Variants in TUSC3 observed in about 807,000 individuals in gnomAD.
TUSC3 encodes tumor suppressor candidate 3.
A neutral mutation model predicts 44.8 loss-of-function variants in TUSC3; 45 were observed. The ratio of observed to expected loss-of-function variants is 1.00; its 90% CI spans 0.79 to 1.29. The LOEUF is 1.29. Among genes scored for constraint, TUSC3 ranks in the 50% most tolerant of loss-of-function variants. The pLI, the probability that TUSC3 is intolerant of heterozygous loss-of-function variation, is 0.00. For synonymous variants in TUSC3, 212 were observed against 152.9 expected, an observed-to-expected ratio of 1.39 and a Z score of -2.85; for missense variants, 519 against 437.9, an observed-to-expected ratio of 1.19 and a Z score of -1.65.
chr8:15,518,033 C>G (rs1302959717), intron 2 of TUSC3, among the ~76,000 whole-genome samples: 1 of 151,842 alleles, frequency 6.6e-6, no homozygotes, highest in South Asian at 2.1e-4. Flanking sequence ...TCCTCCTTAC[C>G]CCTTTTGCCA....
chr8:15,531,260 C>T (rs189922500), intron 2 of TUSC3, among the ~76,000 whole-genome samples: 1 of 152,178 alleles, frequency 6.6e-6, no homozygotes, highest in African/African-American at 2.4e-5. Context: ...TGCTCTAAAG[C>T]TATTTATTTA....
intron 1 of TUSC3, among the ~76,000 whole-genome samples, chr8:15,622,224 T>C (rs1339201722): frequency 6.6e-6 from 1 of 152,176 alleles, no homozygotes; most frequent in African/African-American, 2.4e-5. Flanking sequence ...TACAGTGTTG[T>C]AGAGTTGTTA....
chr8:15,845,756 G>T, the TUSC3 span, among the ~76,000 whole-genome samples: 1 of 152,220 alleles, frequency 6.6e-6, no homozygotes, highest in Non-Finnish European at 1.5e-5. Flanking sequence ...CATTTCCACT[G>T]TGCTTATTTC....
chr8:15,680,838 T>A (rs1246754345), intron 6 of TUSC3, among the ~76,000 whole-genome samples: 1 of 152,148 alleles, frequency 6.6e-6, no homozygotes, highest in East Asian at 1.9e-4. Context: ...CCTATTGTGA[T>A]GATATGGTTT....
intron 6 of TUSC3, among the ~76,000 whole-genome samples, chr8:15,715,370 C>T (rs1380963550): frequency 6.6e-6 from 1 of 152,028 alleles, no homozygotes; most frequent in African/African-American, 2.4e-5. Flanking sequence ...CTTTAAAATA[C>T]CTTATTGTAC....
intron 1 of TUSC3, among the ~76,000 whole-genome samples, chr8:15,546,887 G>T (rs1324514121): frequency 3.3e-5 from 5 of 151,682 alleles, no homozygotes; most frequent in African/African-American, 1.2e-4. Flanking sequence ...CTGCCTGCCT[G>T]CCTGCCTCCC....
chr8:15,733,681 G>A (rs922721901), intron 7 of TUSC3: 1 of 155,056 alleles, frequency 6.4e-6, no homozygotes, highest in Non-Finnish European at 1.4e-5. Context: ...CATTTTTCCT[G>A]TGTTTTTTAT....
chr8:15,803,853 T>C, the TUSC3 span, among the ~76,000 whole-genome samples: 2 of 152,190 alleles, frequency 1.3e-5, no homozygotes, highest in African/African-American at 4.8e-5. Flanking sequence ...TCCAGCTTCA[T>C]CCATGTCCCT....
rs1274422767 is a variant in TUSC3 at position 15,434,420 on chromosome 8, C to G, written n.91+17115C>G. Among the ~76,000 whole-genome samples the G allele has an allele frequency of 1.3e-5, 2 of 151,540 alleles. 1 individual carries two copies. The highest frequency in any genetic ancestry group is 4.2e-4 in the South Asian group (2 of 4,802). ...TTCTTCAAAATCTTCCAGATTGTGA[C>G]TTTTCTTTTTTTTAGTAATGTCTTT... On this transcript the variant is annotated intron_variant and non_coding_transcript_variant, in intron 1 of 5. Coordinates refer to the TUSC3 transcript ENST00000503191.
chr8:15,671,850 T>A (rs1452549396), intron 5 of TUSC3, among the ~76,000 whole-genome samples: 5 of 152,038 alleles, frequency 3.3e-5, no homozygotes, highest in Admixed American at 1.3e-4. Context: ...TACTTTTTTT[T>A]ATGTCAGGGG....
At chr8:15,533,121 C>T (rs893953279) in intron 2 of TUSC3, among the ~76,000 whole-genome samples, 5 of 152,088 alleles carry the variant, frequency 3.3e-5, no homozygotes, top group African/African-American at 4.8e-5. Flanking sequence ...TGGGAGTTTC[C>T]CTGTACCAGT....
chr8:15,722,335 A>G (rs1257297129), intron 6 of TUSC3, among the ~76,000 whole-genome samples: 1 of 151,094 alleles, frequency 6.6e-6, no homozygotes, highest in Non-Finnish European at 1.5e-5. Flanking sequence ...CAGGAGAGCT[A>G]TTTCTCCATT....
intron 1 of TUSC3, among the ~76,000 whole-genome samples, chr8:15,419,385 A>G (rs1461078508): frequency 6.6e-6 from 1 of 152,332 alleles, no homozygotes; most frequent in East Asian, 1.9e-4. Flanking sequence ...AGTTCAGTAT[A>G]TCTTATTGCT....
At chr8:15,426,624 C>T (rs28871156) in intron 1 of TUSC3, among the ~76,000 whole-genome samples, 20,885 of 152,094 alleles carry the variant, frequency 0.14, 1,528 homozygotes, top group Middle Eastern at 0.22. Context: ...TATGTTATTT[C>T]CCCATTCTTC....
chr8:15,467,072 C>A (rs1317015472), intron 1 of TUSC3, among the ~76,000 whole-genome samples: 1 of 151,976 alleles, frequency 6.6e-6, no homozygotes, highest in African/African-American at 2.4e-5. Flanking sequence ...ACAGTCTTCG[C>A]TTACAGTTTA....
chr8:15,470,118 C>G (rs1800467881), intron 1 of TUSC3, among the ~76,000 whole-genome samples: 1 of 148,496 alleles, frequency 6.7e-6, no homozygotes, highest in Non-Finnish European at 1.5e-5. Flanking sequence ...AAAAAAAAAG[C>G]TAAAAATTAG....
intron 10 of TUSC3, among the ~76,000 whole-genome samples, chr8:15,759,611 C>G (rs777761598): frequency 1.8e-4 from 28 of 152,052 alleles, no homozygotes; most frequent in Non-Finnish European, 3.1e-4. Flanking sequence ...TGACCAAATC[C>G]AAAGTTCTCT....
At chr8:15,669,823 T>C (rs1023441851) in intron 5 of TUSC3, among the ~76,000 whole-genome samples, 7 of 151,646 alleles carry the variant, frequency 4.6e-5, no homozygotes, top group African/African-American at 1.7e-4. Flanking sequence ...ACCCTGAGCA[T>C]TGCATTAAGA....
At chr8:15,569,334 A>T (rs1050232145) in intron 1 of TUSC3, among the ~76,000 whole-genome samples, 2 of 152,106 alleles carry the variant, frequency 1.3e-5, no homozygotes, top group African/African-American at 4.8e-5. Flanking sequence ...GTTTATTTTC[A>T]TGGAAAATAT....
Sources: gnomAD v4.1 joint callset for allele counts (sites outside exome capture counted in the v4.1 genomes callset) on GRCh38, gnomAD v4.1.1 for gene constraint, MANE v1.5 for transcripts, NCBI Gene and HGNC (gene_info 2026-07-23, HGNC 2026-07-21) for gene names.